The following PXDNL variants were observed in gnomAD, a reference collection of about 807,000 sequenced individuals.
PXDNL encodes the protein probable oxidoreductase PXDNL.
A neutral mutation model predicts 150.8 loss-of-function variants in PXDNL; 145 were observed. The ratio of observed to expected loss-of-function variants is 0.96; its 90% CI spans 0.84 to 1.10. The LOEUF (loss-of-function observed/expected upper bound fraction) is 1.10, where lower values mean the gene tolerates loss of function less well. PXDNL is among the 50% of genes least tolerant of loss of function. The pLI is 0.00. For synonymous variants in PXDNL, 757 were observed against 725.7 expected (o/e 1.04, Z -0.69); for missense variants, 2,087 against 1,873.9 (o/e 1.11, Z -2.10).
At chr8:51,403,363 G>A (rs1808327091) in intron 17 of PXDNL, among the ~76,000 whole-genome samples, 5 of 152,090 alleles carry the variant, frequency 3.3e-5, no homozygotes, top group Admixed American at 3.3e-4. Context: ...GAACTCTGAG[G>A]AGTAGATGCC....
intron 1 of PXDNL, among the ~76,000 whole-genome samples, chr8:51,763,399 C>T (rs748634940): frequency 1.3e-5 from 2 of 150,420 alleles, no homozygotes; most frequent in Non-Finnish European, 3.0e-5. Flanking sequence ...AAGCCCCAGG[C>T]AAGCAAGCGC....
chr8:51,419,232 AC>A (rs1461433558), intron 14 of PXDNL, among the ~76,000 whole-genome samples: 3 of 152,172 alleles, frequency 2.0e-5, no homozygotes, highest in Non-Finnish European at 4.4e-5. Context: ...TACAATTTGA[AC>A]CAGTATATGC....
At chr8:51,369,377 A>C (rs1807021904) in intron 19 of PXDNL, among the ~76,000 whole-genome samples, 1 of 152,222 alleles carries the variant, frequency 6.6e-6, no homozygotes, top group South Asian at 2.1e-4. Context: ...TGTTTCTGTT[A>C]ATTGGGAAGT....
At chr8:51,761,595 T>C (rs1209396789) in intron 1 of PXDNL, among the ~76,000 whole-genome samples, 1 of 152,166 alleles carries the variant, frequency 6.6e-6, no homozygotes, top group Non-Finnish European at 1.5e-5. Context: ...GATTTAAAGC[T>C]CTTAATAGAT....
intron 1 of PXDNL, among the ~76,000 whole-genome samples, chr8:51,698,149 A>G (rs1328022921): frequency 1.3e-5 from 2 of 152,208 alleles, no homozygotes; most frequent in Non-Finnish European, 2.9e-5. Context: ...AGCTGTAACG[A>G]TTCCTCAAAA....
chr8:51,639,723 C>A (rs1009539739), intron 2 of PXDNL, among the ~76,000 whole-genome samples: 1 of 152,036 alleles, frequency 6.6e-6, no homozygotes, highest in African/African-American at 2.4e-5. Context: ...AGCTTACCAA[C>A]CAAAAAGAGT....
In PXDNL at chr8:51,733,866, T is replaced by C. The variant is rs1183992358; in HGVS notation, c.164+75315A>G. Among the ~76,000 whole-genome samples, 4 of 147,390 alleles carry C rather than the reference T, an allele frequency of 2.7e-5. No individual in the cohort carries two copies. The East Asian group carries it at 7.8e-4, about 29-fold the overall frequency. ...TATATATGATATATATGATATATGA[T>C]ATATTTTATATATATTACATATAAA... On this transcript the variant is annotated intron_variant, in intron 1 of 22. Transcript: ENST00000356297.
intron 1 of PXDNL, among the ~76,000 whole-genome samples, chr8:51,769,170 CA>C (rs2037263786): frequency 6.6e-6 from 1 of 152,212 alleles, no homozygotes; most frequent in Admixed American, 6.5e-5. Flanking sequence ...TGAGTCATAT[CA>C]AAGTCATTCC....
intron 8 of PXDNL, among the ~76,000 whole-genome samples, chr8:51,461,488 G>A (rs983006511): frequency 6.6e-6 from 1 of 152,220 alleles, no homozygotes; most frequent in Non-Finnish European, 1.5e-5. Context: ...CACAGGCTGG[G>A]CAGTCCCTGC....
chr8:51,399,057 A>G (rs936670487), intron 17 of PXDNL, among the ~76,000 whole-genome samples: 3 of 152,206 alleles, frequency 2.0e-5, no homozygotes, highest in Non-Finnish European at 4.4e-5. Context: ...AGAAAAATCA[A>G]TAGAATATTT....
chr8:51,619,710 C>T (rs1814200560), intron 2 of PXDNL, among the ~76,000 whole-genome samples: 1 of 152,206 alleles, frequency 6.6e-6, no homozygotes, highest in Admixed American at 6.5e-5. Flanking sequence ...GCTTCCCAGA[C>T]ATGCTTCCTG....
intron 5 of PXDNL, among the ~76,000 whole-genome samples, chr8:51,495,244 C>T (rs1458731868): frequency 6.6e-6 from 1 of 152,086 alleles, no homozygotes; most frequent in African/African-American, 2.4e-5. Context: ...AGAACAAAGA[C>T]ACAACATACC....
At chr8:51,350,976 T>A (rs1806334945) in intron 19 of PXDNL, among the ~76,000 whole-genome samples, 1 of 152,322 alleles carries the variant, frequency 6.6e-6, no homozygotes, top group East Asian at 1.9e-4. Context: ...ATACATCATA[T>A]CTTTAGATGA....
chr8:51,641,927 T>C (rs1814765681), intron 2 of PXDNL, among the ~76,000 whole-genome samples: 1 of 152,102 alleles, frequency 6.6e-6, no homozygotes, highest in Non-Finnish European at 1.5e-5. Context: ...TGCAGCTCTA[T>C]TCACAATAGC....
intron 1 of PXDNL, among the ~76,000 whole-genome samples, chr8:51,729,709 T>C (rs1816881269): frequency 2.0e-5 from 3 of 152,206 alleles, no homozygotes; most frequent in Admixed American, 2.0e-4. Flanking sequence ...TTATAGAAGG[T>C]TTAATCATCA....
At chr8:51,373,031 G>C (rs1807174775) in intron 18 of PXDNL, among the ~76,000 whole-genome samples, 1 of 152,204 alleles carries the variant, frequency 6.6e-6, no homozygotes, top group Non-Finnish European at 1.5e-5. Flanking sequence ...CCACTATCTT[G>C]ATGTTATGGA....
At position 51,483,628 on chromosome 8, in the gene PXDNL, C is replaced by G. The variant is rs993396311; in HGVS notation, c.524+15G>C. On this transcript the variant is annotated intron_variant, in intron 6 of 22. Transcript: ENST00000356297. ...TATAAAAGGTTTTTGTGTTAATGCA[C>G]TTGCTTTCACTTACAATCTTTTTAA... 4.1e-6 allele frequency: 6 copies of G among 1,470,894 alleles called. No homozygotes were observed. The highest frequency in any genetic ancestry group is 2.0e-5 in the Admixed American group (1 of 49,354). 91.1% of individuals were successfully genotyped at this position (1,470,894 alleles called of 1,614,324 possible). A position where few individuals can be genotyped will look rare whatever the true frequency, so the allele number is the denominator to read the frequency against.
chr8:51,756,412 AG>A (rs1419433278), intron 1 of PXDNL, among the ~76,000 whole-genome samples: 1 of 151,706 alleles, frequency 6.6e-6, no homozygotes, highest in African/African-American at 2.4e-5. Flanking sequence ...AAAAAAGGAA[AG>A]AAAGAGAAAG....
In PXDNL at chr8:51,582,245, G is replaced by C. The variant is rs78146163; in HGVS notation, c.308+10382C>G. ...CATGTACTGAGGAAAGAGGGTGGCT[G>C]TCTGCAAGGAAGAAAGCACTCACTA... is the stretch of plus-strand genomic sequence containing the variant. On this transcript the variant is annotated intron_variant, in intron 3 of 22. Coordinates refer to ENST00000356297, the MANE Select transcript of PXDNL (RefSeq NM_144651.5). Among the ~76,000 whole-genome samples, 663 of 152,188 alleles carry C rather than the reference G, an allele frequency of 4.4e-3. 4 individuals are homozygous for C. The highest frequency in any genetic ancestry group is 7.6e-3 in the Non-Finnish European group (520 of 67,998).
Sources: gnomAD v4.1 joint callset for allele counts (sites outside exome capture counted in the v4.1 genomes callset) on GRCh38, gnomAD v4.1.1 for gene constraint, MANE v1.5 for transcripts, NCBI Gene and HGNC (gene_info 2026-07-23, HGNC 2026-07-21) for gene names.